Variants in DDX60 observed in about 807,000 individuals in gnomAD.
DDX60 encodes the protein probable ATP-dependent RNA helicase DDX60.
A neutral mutation model predicts 212.8 loss-of-function variants in DDX60; 165 were observed. That is an observed-to-expected ratio of 0.78 (90% CI 0.68 to 0.88). The LOEUF (loss-of-function observed/expected upper bound fraction) is 0.88. DDX60 is among the 40% of genes least tolerant of loss of function. The probability of loss-of-function intolerance (pLI) is 0.00; values close to 1 mark genes in which losing one functional copy is unlikely to be tolerated. For missense variants in DDX60, 1,905 were observed against 2,003.9 expected, an observed-to-expected ratio of 0.95 and a Z score of 0.94; for synonymous variants, 703 against 685.3, an observed-to-expected ratio of 1.03 and a Z score of -0.40.
At position 168,216,699 on chromosome 4, in the gene DDX60, T is replaced by C. The variant is rs1476683393; in HGVS notation, c.*234A>G. The C allele has an allele frequency of 2.8e-6, 1 of 353,446 alleles. No individual in the cohort carries two copies. The highest frequency in any genetic ancestry group is 5.4e-5 in the East Asian group (1 of 18,680). 21.9% of individuals were successfully genotyped at this position (353,446 alleles called of 1,614,324 possible). A position where few individuals can be genotyped will look rare whatever the true frequency, so the allele number is the denominator to read the frequency against. ...CTGAGATGTAACCATTATTACTCAGTTATAAAAAGAAACCAAGATTCAGGT... is the reference window on the plus strand; with the variant it reads ...CTGAGATGTAACCATTATTACTCAGCTATAAAAAGAAACCAAGATTCAGGT... On this transcript the variant is annotated 3_prime_UTR_variant, in exon 38 of 38. Coordinates refer to ENST00000393743, the MANE Select transcript of DDX60 (RefSeq NM_017631.6).
At chr4:168,307,569 G>C (rs1184430382) in intron 4 of DDX60, among the ~76,000 whole-genome samples, 1 of 151,906 alleles carries the variant, frequency 6.6e-6, no homozygotes, top group Non-Finnish European at 1.5e-5. Context: ...TCAGCCTCCC[G>C]AAGTGCTGGG....
At position 168,237,746 on chromosome 4, in the gene DDX60, A is replaced by G. The variant is rs773194993; in HGVS notation, c.4214T>C (p.Val1405Ala). Residue 1405 changes from valine to alanine, a missense_variant, in exon 31 of 38, where the codon GTC becomes GCC. Transcript: ENST00000393743. ...HSLLSFKQPR[V>A]MDMLKLYFLF... ...GAAGTAAAGTTTTAACATGTCCATGACTCTGGGTTGCTTGAAGGACAGCAA... is the reference window on the plus strand; with the variant it reads ...GAAGTAAAGTTTTAACATGTCCATGGCTCTGGGTTGCTTGAAGGACAGCAA... 1 of 1,612,022 alleles carries G rather than the reference A, an allele frequency of 6.2e-7. No individual in the cohort carries two copies. The highest frequency in any genetic ancestry group is 1.1e-5 in the South Asian group (1 of 90,958).
At chr4:168,296,013 C>T (rs535345266) in intron 6 of DDX60, among the ~76,000 whole-genome samples, 4 of 152,112 alleles carry the variant, frequency 2.6e-5, no homozygotes, top group South Asian at 4.2e-4. Context: ...AGGGGAGAAA[C>T]GGAGACTTGC....
At chr4:168,293,268 C>T (rs1159868542) in intron 7 of DDX60, among the ~76,000 whole-genome samples, 1 of 152,294 alleles carries the variant, frequency 6.6e-6, no homozygotes, top group East Asian at 1.9e-4. Flanking sequence ...GACGCCAAGA[C>T]ACTACAGCAG....
chr4:168,280,385 C>G lies in DDX60; in HGVS notation c.1928G>C (p.Gly643Ala). The change falls in exon 14 of 38, where the codon GGG (glycine) becomes GCG (alanine). Residue 643 changes from glycine (G) to alanine (A), a missense_variant. By Grantham distance (60) the Gly-to-Ala change is moderately conservative (BLOSUM62 0). Coordinates refer to ENST00000393743, the MANE Select transcript of DDX60 (RefSeq NM_017631.6). ...CCAGGCTTTCAAGCAAGCAGTTAAC[C>G]CCACCATTTCAACCTGAAGTTTCAC... is the stretch of plus-strand genomic sequence containing the variant. ...SCVKLQVEMV[G>A]LTACLKAWKE... The G allele has an allele frequency of 6.2e-7, 1 of 1,614,058 alleles. No homozygotes were observed. Among genetic ancestry groups the G allele is most frequent in the Non-Finnish European group, 8.5e-7 (1 of 1,179,998 alleles).
Position 168,224,262 on chromosome 4 carries a change from C to T in DDX60, c.4805G>A (p.Arg1602Gln), listed in dbSNP as rs766262357. 8.1e-6 allele frequency: 13 copies of T among 1,612,070 alleles called. 1 individual carries two copies. The highest frequency in any genetic ancestry group is 2.2e-5 in the East Asian group (1 of 44,788). The stretch of plus-strand genomic sequence containing the variant: ...ACTTACATGGTTTGGAGTTTCTAGT[C>T]GAAGCAAATCATCATCAAAGTTCCC... ...LSGNFDDDLL[R>Q]LETPNHVTLG... The change falls in exon 35 of 38, where the codon CGA becomes CAA. Residue 1602 changes from arginine to glutamine, a missense_variant. Arg to Gln is a conservative substitution (Grantham distance 43). Coordinates refer to ENST00000393743, the MANE Select transcript of DDX60 (RefSeq NM_017631.6).
chr4:168,225,572 C>T lies in DDX60; in HGVS notation c.4638G>A (p.Leu1546=). 6.2e-7 allele frequency: 1 copy of T among 1,611,032 alleles called. No homozygotes were observed. Among genetic ancestry groups the T allele is most frequent in the Middle Eastern group, 1.7e-4 (1 of 6,034 alleles). ...FTTFLRIVSK[L]ADMNQEYQLP... ...GTTGATATTCCTGATTCATATCAGC[C>T]AGTTTGGAAACAATTCGTAGGAAAG... The change falls in exon 34 of 38, where the codon CTG becomes CTA. Residue 1546 remains leucine (L), a synonymous_variant. Transcript: ENST00000393743.
At chr4:168,247,371 G>A (rs1439520626) in intron 29 of DDX60, among the ~76,000 whole-genome samples, 2 of 152,130 alleles carry the variant, frequency 1.3e-5, no homozygotes, top group Non-Finnish European at 2.9e-5. Flanking sequence ...GAGTATGGCA[G>A]CAGCAATAGA....
rs1259163500 is a variant in DDX60 at position 168,225,384 on chromosome 4, T to G, written c.4681+145A>C. 4 of 848,456 alleles carry G rather than the reference T, an allele frequency of 4.7e-6. No individual in the cohort carries two copies. In the South Asian group the frequency reaches 8.4e-5, roughly 18 times the overall value. The allele number at this position is 848,456 out of a possible 1,614,324, so 52.6% of individuals were successfully genotyped here. A position where few individuals can be genotyped will look rare whatever the true frequency, so the allele number is the denominator to read the frequency against. ...CTTTTAATGTCTAATAAGCAAAATT[T>G]TTTTCTTTAGAAAGGAAAAGGAATC... is the stretch of plus-strand genomic sequence containing the variant. On this transcript the variant is annotated intron_variant, in intron 34 of 37. Coordinates refer to ENST00000393743, the MANE Select transcript of DDX60 (RefSeq NM_017631.6).
At chr4:168,250,668 G>C (rs1734186958) in intron 28 of DDX60, among the ~76,000 whole-genome samples, 1 of 149,478 alleles carries the variant, frequency 6.7e-6, no homozygotes, top group African/African-American at 2.5e-5. Context: ...TGGGATTACA[G>C]GCACCTGCCA....
intron 19 of DDX60, among the ~76,000 whole-genome samples, chr4:168,270,032 T>C (rs1466172121): frequency 6.6e-6 from 1 of 152,190 alleles, no homozygotes; most frequent in African/African-American, 2.4e-5. Context: ...TGTACCAACG[T>C]GGGCTGGCAT....
chr4:168,255,624 A>G, intron 26 of DDX60, 87 bp downstream of exon 26: 3 of 1,183,378 alleles, frequency 2.5e-6, no homozygotes, highest in Non-Finnish European at 2.3e-6. Context: ...GAACTTATTT[A>G]TAGAACATAT....
At chr4:168,259,974 A>G (rs1401373897) in intron 25 of DDX60, among the ~76,000 whole-genome samples, 1 of 152,162 alleles carries the variant, frequency 6.6e-6, no homozygotes, top group East Asian at 1.9e-4. Flanking sequence ...TAACAAGGCT[A>G]AATAAAAAAT....
intron 30 of DDX60, among the ~76,000 whole-genome samples, chr4:168,246,027 A>C (rs1025810623): frequency 1.3e-5 from 2 of 152,160 alleles, no homozygotes; most frequent in African/African-American, 4.8e-5. Context: ...TTTTTTTATG[A>C]AACACTTAAA....
chr4:168,321,503 T>C (rs1737610158), upstream of DDX60, among the ~76,000 whole-genome samples: 1 of 152,232 alleles, frequency 6.6e-6, no homozygotes, highest in South Asian at 2.1e-4. Context: ...AGCTGATACC[T>C]TTTTTTCTGT....
At position 168,248,781 on chromosome 4, in the gene DDX60, C is replaced by T. The variant is rs1015610534; in HGVS notation, c.3859-489G>A. Among the ~76,000 whole-genome samples, 7 of 147,160 alleles carry T rather than the reference C, an allele frequency of 4.8e-5. No homozygotes were observed. In the South Asian group the frequency reaches 8.5e-4, roughly 18 times the overall value. ...CAGTAATTTTTTTTTTTTTTTGAGA[C>T]GGAGTTTCGCTCTTGTCGCCCAAGC... On this transcript the variant is annotated intron_variant, in intron 28 of 37. Coordinates refer to ENST00000393743, the MANE Select transcript of DDX60 (RefSeq NM_017631.6).
Position 168,308,112 on chromosome 4 carries a change from T to G in DDX60, c.158A>C (p.Glu53Ala), listed in dbSNP as rs759302761. The change falls in exon 4 of 38, where the codon GAG (glutamate) becomes GCG (alanine). Residue 53 changes from glutamate to alanine, a missense_variant. Coordinates refer to ENST00000393743, the MANE Select transcript of DDX60 (RefSeq NM_017631.6). ...GTTCTGCCCAGGCTTAAATGATATC[T>G]CACAGATACATGTGATAAGTAATGA... ...GDSLLITCIC[E>A]ISFKPGQNLH... The G allele has an allele frequency of 6.2e-7, 1 of 1,609,670 alleles. No homozygotes were observed. The highest frequency in any genetic ancestry group is 2.2e-5 in the East Asian group (1 of 44,740).
At chr4:168,284,686 C>A (rs1053464993) in intron 12 of DDX60, 134 bp downstream of exon 12, 3 of 474,894 alleles carry the variant, frequency 6.3e-6, no homozygotes, top group Non-Finnish European at 1.1e-5. Flanking sequence ...TTTCCCAATG[C>A]ACATCTAAAT....
At chr4:168,286,387 T>TAA in intron 10 of DDX60, among the ~76,000 whole-genome samples, 1 of 71,828 alleles carries the variant, frequency 1.4e-5, no homozygotes, top group African/African-American at 1.0e-4. Context: ...TCCTTGATTT[T>TAA]ATACACACAC....
Sources: allele counts gnomAD v4.1 joint callset (sites outside exome capture counted in the v4.1 genomes callset), GRCh38; gene constraint gnomAD v4.1.1; transcripts MANE v1.5; gene names NCBI Gene and HGNC (gene_info 2026-07-23, HGNC 2026-07-21).